KCNQ5: variants seen among roughly 807,000 people sequenced by gnomAD.
KCNQ5 encodes potassium voltage-gated channel subfamily Q member 5.
Under a neutral mutation model 98.2 loss-of-function variants are expected in KCNQ5, and 30 were observed. That is an observed-to-expected ratio of 0.31 (90% CI 0.23 to 0.41). The LOEUF is 0.41. Ranked by LOEUF, KCNQ5 falls within the 10% of genes least tolerant of loss-of-function variation. KCNQ5 has a pLI of 1.00. For synonymous variants in KCNQ5, 458 were observed against 449.4 expected (o/e 1.02, Z -0.24); for missense variants, 835 against 1,182.5 (o/e 0.71, Z 4.31).
At chr6:73,131,465 G>A (rs1486506296) in intron 9 of KCNQ5, among the ~76,000 whole-genome samples, 2 of 152,118 alleles carry the variant, frequency 1.3e-5, no homozygotes, top group African/African-American at 4.8e-5. Flanking sequence ...TGATATCTAT[G>A]TCAACTTGAG....
chr6:73,008,521 G>A (rs757022090), intron 2 of KCNQ5, among the ~76,000 whole-genome samples: 4 of 151,856 alleles, frequency 2.6e-5, no homozygotes, highest in Non-Finnish European at 5.9e-5. Flanking sequence ...ATAAAGAAGG[G>A]CATTATATAT....
At chr6:72,795,742 C>T (rs1005109347) in intron 1 of KCNQ5, among the ~76,000 whole-genome samples, 8 of 152,112 alleles carry the variant, frequency 5.3e-5, no homozygotes, top group African/African-American at 1.9e-4. Flanking sequence ...GGGATTATTA[C>T]CAAAAGTTTA....
intron 1 of KCNQ5, among the ~76,000 whole-genome samples, chr6:72,942,924 T>C (rs1171726106): frequency 1.3e-5 from 2 of 152,230 alleles, no homozygotes; most frequent in African/African-American, 4.8e-5. Context: ...GTATTTGGCA[T>C]ACTTGGCTAG....
intron 1 of KCNQ5, among the ~76,000 whole-genome samples, chr6:72,752,167 G>A (rs956283971): frequency 6.6e-6 from 1 of 152,082 alleles, no homozygotes; most frequent in Non-Finnish European, 1.5e-5. Flanking sequence ...TGTAAGGGCG[G>A]ACAGCATGAA....
Position 73,194,720 on chromosome 6 carries a change from T to C in KCNQ5, c.2105T>C (p.Phe702Ser). Residue 702 changes from phenylalanine (F) to serine (S), a missense_variant, in exon 14 of 14, where the codon TTC (phenylalanine) becomes TCC (serine). Physicochemically the swap from Phe to Ser is radical, Grantham distance 155. Coordinates refer to ENST00000370398, the MANE Select transcript of KCNQ5 (RefSeq NM_019842.4). ...LTPNEFSAQT[F>S]YALSPTMHSQ... ...CCAAATGAGTTCAGTGCCCAGACTTTCTACGCGCTTAGCCCTACTATGCAC... is the reference window on the plus strand; with the variant it reads ...CCAAATGAGTTCAGTGCCCAGACTTCCTACGCGCTTAGCCCTACTATGCAC... 6.2e-7 allele frequency: 1 copy of C among 1,614,264 alleles called. No individual in the cohort carries two copies. The highest frequency in any genetic ancestry group is 8.5e-7 in the Non-Finnish European group (1 of 1,180,046).
At chr6:73,076,516 A>C (rs2150390741) in intron 3 of KCNQ5, among the ~76,000 whole-genome samples, 1 of 152,306 alleles carries the variant, frequency 6.6e-6, no homozygotes, top group Admixed American at 6.5e-5. Context: ...CTATGCTTTC[A>C]TCAGATGCTC....
chr6:72,818,682 GA>G (rs1775613247), intron 1 of KCNQ5, among the ~76,000 whole-genome samples: 2 of 150,978 alleles, frequency 1.3e-5, no homozygotes, highest in African/African-American at 4.8e-5. Flanking sequence ...TTATTTTTGA[GA>G]TATTTTGGAA....
intron 1 of KCNQ5, among the ~76,000 whole-genome samples, chr6:72,792,582 T>G (rs1774110310): frequency 6.6e-6 from 1 of 152,136 alleles, no homozygotes; most frequent in South Asian, 2.1e-4. Flanking sequence ...TAGAATTTTT[T>G]TCAACTGACT....
intron 1 of KCNQ5, among the ~76,000 whole-genome samples, chr6:72,705,980 G>A (rs1582144359): frequency 6.6e-6 from 1 of 151,986 alleles, no homozygotes. Flanking sequence ...CTATTAAAAT[G>A]TAGTATTATG....
intron 2 of KCNQ5, among the ~76,000 whole-genome samples, chr6:73,040,753 A>G (rs1251727355): frequency 6.6e-6 from 1 of 152,206 alleles, no homozygotes; most frequent in African/African-American, 2.4e-5. Context: ...TAGCTCTACT[A>G]GGCATTTCAA....
At position 72,954,595 on chromosome 6, in the gene KCNQ5, G is replaced by T. The variant is rs1047980830; in HGVS notation, c.399-49313G>T. ...AAAACTCTCACTTCTAGTAAACTTA[G>T]GATAATAGGCTATGTCTTGCTAATC... On this transcript the variant is annotated intron_variant, in intron 1 of 13. Transcript: ENST00000370398. Among the ~76,000 whole-genome samples, 4 of 151,612 alleles carry T rather than the reference G, an allele frequency of 2.6e-5. No individual in the cohort carries two copies. In the South Asian group the frequency reaches 8.3e-4, roughly 32 times the overall value.
At chr6:73,090,801 T>A (rs1774214037) in intron 5 of KCNQ5, among the ~76,000 whole-genome samples, 1 of 152,138 alleles carries the variant, frequency 6.6e-6, no homozygotes, top group Non-Finnish European at 1.5e-5. Flanking sequence ...AGAATGGCGA[T>A]CATTAAAGAG....
At chr6:73,044,003 A>G (rs1335011719) in intron 3 of KCNQ5, among the ~76,000 whole-genome samples, 1 of 152,152 alleles carries the variant, frequency 6.6e-6, no homozygotes. Flanking sequence ...ATTTAGTATG[A>G]TGCCTGGCGC....
chr6:73,059,177 T>C (rs1256646955), intron 3 of KCNQ5, among the ~76,000 whole-genome samples: 3 of 152,192 alleles, frequency 2.0e-5, no homozygotes, highest in African/African-American at 7.2e-5. Context: ...TGCCCATTGA[T>C]GGTGGATTGG....
At chr6:73,002,680 G>C (rs1582172004) in intron 1 of KCNQ5, among the ~76,000 whole-genome samples, 1 of 152,114 alleles carries the variant, frequency 6.6e-6, no homozygotes, top group Non-Finnish European at 1.5e-5. Context: ...AAACATTTCT[G>C]TGGGCCTTAC....
At chr6:72,914,970 G>T (rs1686005740) in intron 1 of KCNQ5, among the ~76,000 whole-genome samples, 2 of 152,096 alleles carry the variant, frequency 1.3e-5, no homozygotes, top group Non-Finnish European at 2.9e-5. Flanking sequence ...TCACCTCTCA[G>T]TAGAGAAGGT....
At chr6:72,856,261 G>C (rs545972395) in intron 1 of KCNQ5, among the ~76,000 whole-genome samples, 8 of 152,082 alleles carry the variant, frequency 5.3e-5, no homozygotes, top group Admixed American at 4.6e-4. Context: ...CAGTAATCTT[G>C]AAGTTGACAA....
chr6:72,915,178 C>T (rs1042113116), intron 1 of KCNQ5, among the ~76,000 whole-genome samples: 1 of 151,980 alleles, frequency 6.6e-6, no homozygotes, highest in Non-Finnish European at 1.5e-5. Context: ...ATAAAAAATG[C>T]TGCAGTGAAA....
At chr6:72,803,885 A>G (rs953277260) in intron 1 of KCNQ5, among the ~76,000 whole-genome samples, 1 of 152,140 alleles carries the variant, frequency 6.6e-6, no homozygotes, top group African/African-American at 2.4e-5. Flanking sequence ...CTTCCTTTGA[A>G]TAACTTAATA....
Sources: gnomAD v4.1 joint callset for allele counts (sites outside exome capture counted in the v4.1 genomes callset) on GRCh38, gnomAD v4.1.1 for gene constraint, MANE v1.5 for transcripts, NCBI Gene and HGNC (gene_info 2026-07-23, HGNC 2026-07-21) for gene names.